The following GPRC5C variants were observed in gnomAD, a reference collection of about 807,000 sequenced individuals.
The protein encoded by GPRC5C is G protein-coupled receptor class C group 5 member C.
In GPRC5C, 22 loss-of-function variants were observed where a neutral mutation model predicts 31.4. The observed-to-expected ratio is 0.70, with a 90% confidence interval of 0.50 to 1.00. GPRC5C has a LOEUF of 1.00. Ranked by LOEUF, GPRC5C falls within the 50% of genes least tolerant of loss-of-function variation. The pLI is 0.00. For missense variants in GPRC5C, 557 were observed against 597.2 expected (o/e 0.93, Z 0.70); for synonymous variants, 249 against 257.5 (o/e 0.97, Z 0.32).
At chr17:74,435,453 G>C (rs2055419406) in intron 1 of GPRC5C, among the ~76,000 whole-genome samples, 1 of 152,224 alleles carries the variant, frequency 6.6e-6, no homozygotes, top group Non-Finnish European at 1.5e-5. Context: ...GATGGGACCA[G>C]GTTGTTTCCT....
rs781752468 is a variant in GPRC5C at position 74,439,945 on chromosome 17, G to A, written c.169G>A (p.Ala57Thr). 3.1e-6 allele frequency: 5 copies of A among 1,610,832 alleles called. No individual in the cohort carries two copies. In the Admixed American group the frequency reaches 6.7e-5, roughly 21 times the overall value. Residue 57 changes from alanine (A) to threonine (T), a missense_variant, in exon 2 of 4, where the codon GCT becomes ACT. Transcript: ENST00000392627. ...GAWGIVLEAV[A>T]GAGIVTTFVL... ...GTGGGGCATCGTCCTGGAGGCCGTG[G>A]CTGGGGCGGGCATTGTCACCACGTT... is the stretch of plus-strand genomic sequence containing the variant.
Position 74,446,860 on chromosome 17 carries a change from T to TTACG in GPRC5C, c.1159_1162dup (p.Asp388ValfsTer25). On this transcript the variant is annotated frameshift_variant, in exon 4 of 4. Coordinates refer to ENST00000392627, the MANE Select transcript of GPRC5C (RefSeq NM_022036.4). LOFTEE classifies it high-confidence loss of function. ...GTTCTTCCTTCCAGTCCGAAGGAGC[T>TTACG]TACGACATCATCCTCCCACGGGCCA... is the stretch of plus-strand genomic sequence containing the variant. The TTACG allele has an allele frequency of 6.2e-7, 1 of 1,612,810 alleles. No individual in the cohort carries two copies. The highest frequency in any genetic ancestry group is 8.5e-7 in the Non-Finnish European group (1 of 1,179,134).
At chr17:74,446,066 G>T (rs2055630012) in intron 3 of GPRC5C, 1 of 146,824 alleles carries the variant, frequency 6.8e-6, no homozygotes, top group South Asian at 2.2e-4. Flanking sequence ...CTAGAGAGAT[G>T]TGTGGGCACA....
chr17:74,443,757 G>A (rs1183431221), intron 2 of GPRC5C, 61 bp from the exon 3 acceptor site: 2 of 1,219,050 alleles, frequency 1.6e-6, no homozygotes. Context: ...TGGTTTGTGG[G>A]AGGTGGGGAA....
rs1240892911 is a variant in GPRC5C at position 74,432,538 on chromosome 17, C to T, written c.-33+397C>T. ...GCGAGTCCCAGGTAAGGGCTGCTGC[C>T]TTCCCGCTCCGCCGCCCGGAAGAGT... is the stretch of plus-strand genomic sequence containing the variant. On this transcript the variant is annotated intron_variant, in intron 1 of 3. Coordinates refer to ENST00000392627, the MANE Select transcript of GPRC5C (RefSeq NM_022036.4). The T allele has an allele frequency of 6.0e-6, 6 of 996,470 alleles. No homozygotes were observed. In the African/African-American group the frequency reaches 8.7e-5, roughly 14 times the overall value. The allele number at this position is 996,470 out of a possible 1,614,324, so 61.7% of individuals were successfully genotyped here.
chr17:74,439,480 G>A (rs2055492066), intron 1 of GPRC5C, among the ~76,000 whole-genome samples: 1 of 152,210 alleles, frequency 6.6e-6, no homozygotes, highest in African/African-American at 2.4e-5. Context: ...TTTGGTGGAA[G>A]GGAGGGAACT....
chr17:74,433,412 G>T (rs942477825), intron 1 of GPRC5C, among the ~76,000 whole-genome samples: 2 of 152,072 alleles, frequency 1.3e-5, no homozygotes, highest in African/African-American at 4.8e-5. Context: ...GGGGGATAGG[G>T]GTGGGGTGTC....
At chr17:74,434,189 G>A (rs2706512) in intron 1 of GPRC5C, among the ~76,000 whole-genome samples, 1 of 152,210 alleles carries the variant, frequency 6.6e-6, no homozygotes, top group Admixed American at 6.5e-5. Context: ...CTTTTGTCCA[G>A]AAAATAATCT....
At chr17:74,438,252 T>TATATATA (rs1250000838) in intron 1 of GPRC5C, among the ~76,000 whole-genome samples, 43 of 107,640 alleles carry the variant, frequency 4.0e-4, no homozygotes, top group African/African-American at 1.0e-3. Context: ...TATATATATA[T>TATATATA]TTGTTGTTGT....
chr17:74,442,026 G>A (rs568319768), intron 2 of GPRC5C, among the ~76,000 whole-genome samples: 6 of 151,626 alleles, frequency 4.0e-5, no homozygotes, highest in Non-Finnish European at 7.4e-5. Flanking sequence ...TTTTTGAGAC[G>A]GAGTCTCGCT....
At chr17:74,444,049 G>A (rs999960226) in intron 3 of GPRC5C, 137 bp downstream of exon 3, 1 of 654,948 alleles carries the variant, frequency 1.5e-6, no homozygotes, top group Non-Finnish European at 2.7e-6. Flanking sequence ...TCCATCTGGT[G>A]CTTTTACCTG....
rs551847547 is a variant in GPRC5C, at chr17:74,437,866, G to C, written c.-32-1879G>C. Reference sequence around the variant, plus strand: ...TGCCAGCCACTAGTGGTCACTGTCAGACCAGGAAAGCTTGGTTGCTGTTTT... The same window carrying C: ...TGCCAGCCACTAGTGGTCACTGTCACACCAGGAAAGCTTGGTTGCTGTTTT... On this transcript the variant is annotated intron_variant, in intron 1 of 3. Transcript: ENST00000392627. 2.9e-4 allele frequency among the ~76,000 whole-genome samples: 44 copies of C among 152,186 alleles called. No individual in the cohort carries two copies. In the South Asian group the frequency reaches 5.6e-3, roughly 19 times the overall value.
Position 74,440,745 on chromosome 17 carries a change from C to T in GPRC5C, c.969C>T (p.Gly323=). 3.8e-6 allele frequency: 6 copies of T among 1,592,458 alleles called. No individual in the cohort carries two copies. The highest frequency in any genetic ancestry group is 5.2e-6 in the Non-Finnish European group (6 of 1,164,828). ...ACATGTACCCCACCCGGGGCGTGGGCTATGAGACCATCCTGAAAGAGCAGA... is the reference window on the plus strand; with the variant it reads ...ACATGTACCCCACCCGGGGCGTGGGTTATGAGACCATCCTGAAAGAGCAGA... The part of the protein sequence containing the change: ...QGDMYPTRGV[G]YETILKEQKG... Residue 323 remains glycine (G), a synonymous_variant, in exon 2 of 4, where the codon GGC becomes GGT. Transcript: ENST00000392627. This position sits in a 1 kb window ranked among gnomAD's most constrained non-coding sequence, Gnocchi z 4.4.
intron 1 of GPRC5C, among the ~76,000 whole-genome samples, chr17:74,438,591 G>A (rs2055478509): frequency 6.6e-6 from 1 of 151,926 alleles, no homozygotes; most frequent in African/African-American, 2.4e-5. Context: ...TAGAGACGGG[G>A]TTTCACCATG....
downstream of GPRC5C, chr17:74,450,177 GCTCA>G (rs1264918374): frequency 7.2e-5 from 11 of 152,298 alleles, no homozygotes; most frequent in Admixed American, 1.3e-4. Flanking sequence ...CTCATGGAGT[GCTCA>G]CTAAGGAGTT....
intron 1 of GPRC5C, among the ~76,000 whole-genome samples, chr17:74,433,389 CGGGGCA>C (rs989352549): frequency 8.5e-5 from 12 of 141,632 alleles, no homozygotes; most frequent in African/African-American, 3.0e-4. Context: ...GGTCTTGGTG[CGGGGCA>C]GGGGCAGGGG....
rs903490549 is a variant in GPRC5C, at chr17:74,440,753, C to G, written c.977C>G (p.Thr326Ser). 1.3e-6 allele frequency: 2 copies of G among 1,584,948 alleles called. No homozygotes were observed. Among genetic ancestry groups the G allele is most frequent in the Non-Finnish European group, 1.7e-6 (2 of 1,160,040 alleles). Residue 326 changes from threonine to serine, a missense_variant, in exon 2 of 4, where the codon ACC (threonine) becomes AGC (serine). By Grantham distance (58) the Thr-to-Ser change is moderately conservative (BLOSUM62 1). Coordinates refer to ENST00000392627, the MANE Select transcript of GPRC5C (RefSeq NM_022036.4). The surrounding 1 kb of genome is among the most constrained non-coding windows in gnomAD (Gnocchi z 4.4). The part of the protein sequence containing the change: ...MYPTRGVGYE[T>S]ILKEQKGQSM... ...CCCACCCGGGGCGTGGGCTATGAGACCATCCTGAAAGAGCAGAAGGGTCAG... is the reference window on the plus strand; with the variant it reads ...CCCACCCGGGGCGTGGGCTATGAGAGCATCCTGAAAGAGCAGAAGGGTCAG...
chr17:74,449,001 C>T (rs535655002), downstream of GPRC5C: 989 of 867,684 alleles, frequency 1.1e-3, 2 homozygotes, highest in Non-Finnish European at 1.6e-3. Context: ...AAGACTTTGC[C>T]AGGGGGCTGC....
chr17:74,449,220 T>C (rs1356936441), downstream of GPRC5C: 2 of 458,346 alleles, frequency 4.4e-6, no homozygotes, highest in East Asian at 7.2e-5. Flanking sequence ...TCTCCTTCTA[T>C]GCTCAGATTG....
Sources: allele counts gnomAD v4.1 joint callset (sites outside exome capture counted in the v4.1 genomes callset), GRCh38; gene constraint gnomAD v4.1.1; non-coding constraint Gnocchi (gnomAD v3.1); transcripts MANE v1.5; gene names NCBI Gene and HGNC (gene_info 2026-07-23, HGNC 2026-07-21).